SLC16A14: variants seen among roughly 807,000 people sequenced by gnomAD.
The protein encoded by SLC16A14 is monocarboxylate transporter 14.
Under a neutral mutation model 35.8 loss-of-function variants are expected in SLC16A14, and 14 were observed. That is an observed-to-expected ratio of 0.39 (90% CI 0.26 to 0.61). The LOEUF is 0.61. Ranked by LOEUF, SLC16A14 falls within the 20% of genes least tolerant of loss-of-function variation. The probability of loss-of-function intolerance (pLI) is 0.51; values close to 1 mark genes in which losing one functional copy is unlikely to be tolerated. For missense variants in SLC16A14, 533 were observed against 655.0 expected, an observed-to-expected ratio of 0.81 and a Z score of 2.03; for synonymous variants, 248 against 258.9, an observed-to-expected ratio of 0.96 and a Z score of 0.40.
In SLC16A14 at chr2:230,068,758, T is replaced by C. The variant is rs1268263986; in HGVS notation, c.-218A>G. Reference sequence around the variant, plus strand: ...AGGGGCTCCCGGGCTCTTCCGCCGCTCGCTGCCAGGCCAGGTGAGCGTTTG... The same window carrying C: ...AGGGGCTCCCGGGCTCTTCCGCCGCCCGCTGCCAGGCCAGGTGAGCGTTTG... On this transcript the variant is annotated 5_prime_UTR_variant, in exon 1 of 5. Coordinates refer to ENST00000295190, the MANE Select transcript of SLC16A14 (RefSeq NM_152527.5). The surrounding 1 kb of genome is among the most constrained non-coding windows in gnomAD (Gnocchi z 5.1). The C allele has an allele frequency of 6.6e-6, 1 of 152,670 alleles. No individual in the cohort carries two copies. Among genetic ancestry groups the C allele is most frequent in the Non-Finnish European group, 1.5e-5 (1 of 68,104 alleles). 9.5% of individuals were successfully genotyped at this position (152,670 alleles called of 1,614,324 possible).
At chr2:230,065,561 G>T (rs889173093) in intron 1 of SLC16A14, among the ~76,000 whole-genome samples, 8 of 152,084 alleles carry the variant, frequency 5.3e-5, no homozygotes, top group Admixed American at 4.6e-4. Flanking sequence ...GGCCCAAAAA[G>T]TTCTTTTGGA....
At chr2:230,041,171 A>G (rs28660300) in intron 4 of SLC16A14, among the ~76,000 whole-genome samples, 9,435 of 152,202 alleles carry the variant, frequency 0.062, 1,015 homozygotes, top group African/African-American at 0.22. Flanking sequence ...AAAGGCTCCC[A>G]GCTTTTGGTG....
chr2:230,047,529 T>C (rs765742285), intron 3 of SLC16A14, among the ~76,000 whole-genome samples: 2 of 152,132 alleles, frequency 1.3e-5, no homozygotes, highest in Non-Finnish European at 2.9e-5. Flanking sequence ...GGTCTCAAAC[T>C]CCTGGGCTCA....
At chr2:230,054,090 G>GC (rs1269134908) in intron 2 of SLC16A14, among the ~76,000 whole-genome samples, 2 of 151,906 alleles carry the variant, frequency 1.3e-5, no homozygotes, top group East Asian at 1.9e-4. Context: ...CTGAGGTGGG[G>GC]GGGGAAGTTA....
At chr2:230,045,196 C>G (rs1232412996) in intron 4 of SLC16A14, among the ~76,000 whole-genome samples, 1 of 152,238 alleles carries the variant, frequency 6.6e-6, no homozygotes, top group Non-Finnish European at 1.5e-5. Context: ...CTCACTCTAC[C>G]AGCCTGGCTG....
chr2:230,040,250 ACT>A (rs1298679005), intron 4 of SLC16A14, among the ~76,000 whole-genome samples: 2 of 151,378 alleles, frequency 1.3e-5, no homozygotes, highest in East Asian at 3.9e-4. Flanking sequence ...ACGGAGTCTC[ACT>A]CTGTCACCCA....
chr2:230,048,952 A>T (rs1577390213), intron 3 of SLC16A14, among the ~76,000 whole-genome samples: 1 of 149,014 alleles, frequency 6.7e-6, no homozygotes, highest in African/African-American at 2.5e-5. Context: ...AAAACAAATG[A>T]TTATTAAAGA....
chr2:230,044,036 G>A (rs960670276), intron 4 of SLC16A14, among the ~76,000 whole-genome samples: 6 of 152,180 alleles, frequency 3.9e-5, no homozygotes, highest in Non-Finnish European at 5.9e-5. Context: ...CCAAAACACC[G>A]AAGTCCTAAT....
intron 1 of SLC16A14, among the ~76,000 whole-genome samples, chr2:230,063,585 T>G (rs4972930): frequency 0.91 from 138,849 of 152,226 alleles, 64,735 homozygotes; most frequent in South Asian, 1. Context: ...CTCTCATCAA[T>G]AATAAAGTTC....
chr2:230,054,090 G>GA (rs1269134908), intron 2 of SLC16A14, among the ~76,000 whole-genome samples: 1 of 151,788 alleles, frequency 6.6e-6, no homozygotes, highest in African/African-American at 2.4e-5. Flanking sequence ...CTGAGGTGGG[G>GA]GGGGAAGTTA....
At chr2:230,052,352 C>T (rs2077668316) in intron 2 of SLC16A14, among the ~76,000 whole-genome samples, 1 of 152,124 alleles carries the variant, frequency 6.6e-6, no homozygotes, top group Admixed American at 6.5e-5. Flanking sequence ...CTGAAATTCA[C>T]ATACCGTAAG....
intron 1 of SLC16A14, among the ~76,000 whole-genome samples, chr2:230,061,972 C>A (rs2106278338): frequency 6.6e-6 from 1 of 152,222 alleles, no homozygotes; most frequent in South Asian, 2.1e-4. Context: ...GAACTCCTGA[C>A]CTCAAGTGAT....
At chr2:230,039,423 G>A (rs922685135) in intron 4 of SLC16A14, among the ~76,000 whole-genome samples, 13 of 151,946 alleles carry the variant, frequency 8.6e-5, no homozygotes, top group Admixed American at 7.2e-4. Flanking sequence ...AAGATTAAAC[G>A]TAATCCAAAA....
intron 1 of SLC16A14, chr2:230,066,637 C>A (rs1560484716): frequency 3.0e-6 from 1 of 338,532 alleles, no homozygotes; most frequent in Non-Finnish European, 5.7e-6. Context: ...ACAAGCAAGT[C>A]ATTTTTTTTT....
Position 230,036,124 on chromosome 2 carries a change from A to C in SLC16A14, c.*1256T>G, listed in dbSNP as rs1482924339. 2 of 152,650 alleles carry C rather than the reference A, an allele frequency of 1.3e-5. No individual in the cohort carries two copies. Among genetic ancestry groups the C allele is most frequent in the Non-Finnish European group, 2.9e-5 (2 of 68,038 alleles). The allele number at this position is 152,650 out of a possible 1,614,324, so 9.5% of individuals were successfully genotyped here. On this transcript the variant is annotated 3_prime_UTR_variant, in exon 5 of 5. Transcript: ENST00000295190. ...TTTAAATAGTCTTAAACTATCTGTA[A>C]ACAAGTAAGGCAGCCAGAAATTTCA...
At chr2:230,044,454 G>A (rs1456811611) in intron 4 of SLC16A14, among the ~76,000 whole-genome samples, 4 of 147,406 alleles carry the variant, frequency 2.7e-5, no homozygotes, top group African/African-American at 1.0e-4. Context: ...CTCCAGCTTG[G>A]GTGACAGAGG....
Position 230,038,133 on chromosome 2 carries a change from T to C in SLC16A14, c.1382-602A>G, listed in dbSNP as rs978214956. On this transcript the variant is annotated intron_variant, in intron 4 of 4. Transcript: ENST00000295190. The surrounding 1 kb of genome is among the most constrained non-coding windows in gnomAD (Gnocchi z 4.4). ...TTTAATATTTACATTTATAAAACTC[T>C]AAGTTGCCAAAGATACTGCCATAGA... Among the ~76,000 whole-genome samples the C allele has an allele frequency of 6.6e-6, 1 of 152,222 alleles. No individual in the cohort carries two copies. The highest frequency in any genetic ancestry group is 1.5e-5 in the Non-Finnish European group (1 of 68,042).
intron 4 of SLC16A14, among the ~76,000 whole-genome samples, chr2:230,045,375 T>C (rs2077595704): frequency 6.6e-6 from 1 of 152,092 alleles, no homozygotes; most frequent in South Asian, 2.1e-4. Context: ...CTGGCCAACA[T>C]GGTGAAACCC....
At chr2:230,051,242 C>A (rs369154616) in intron 2 of SLC16A14, among the ~76,000 whole-genome samples, 1 of 152,152 alleles carries the variant, frequency 6.6e-6, no homozygotes, top group Non-Finnish European at 1.5e-5. Context: ...CTCACTGCAG[C>A]CTTCACCTCC....
Sources: gnomAD v4.1 joint callset for allele counts (sites outside exome capture counted in the v4.1 genomes callset) on GRCh38, gnomAD v4.1.1 for gene constraint, Gnocchi (gnomAD v3.1) non-coding constraint, MANE v1.5 for transcripts, NCBI Gene and HGNC (gene_info 2026-07-23, HGNC 2026-07-21) for gene names.